PCSK2: variants seen among roughly 807,000 people sequenced by gnomAD.
PCSK2 encodes proprotein convertase subtilisin/kexin type 2, also known as neuroendocrine convertase 2.
A neutral mutation model predicts 69.7 loss-of-function variants in PCSK2; 14 were observed. The observed-to-expected ratio is 0.20, with a 90% confidence interval of 0.13 to 0.31. The LOEUF (loss-of-function observed/expected upper bound fraction) is 0.31. Among genes scored for constraint, PCSK2 ranks in the 10% least tolerant of loss-of-function variants. The pLI is 1.00. For synonymous variants in PCSK2, 307 were observed against 320.7 expected (o/e 0.96, Z 0.46); for missense variants, 544 against 842.5 (o/e 0.65, Z 4.39).
At chr20:17,454,803 G>A (rs561220687) in intron 9 of PCSK2, among the ~76,000 whole-genome samples, 2 of 152,282 alleles carry the variant, frequency 1.3e-5, no homozygotes, top group Admixed American at 1.3e-4. Flanking sequence ...AGGAGCTCAG[G>A]ACAAAATCAT....
chr20:17,471,728 C>A (rs1481462646), intron 11 of PCSK2, among the ~76,000 whole-genome samples: 4 of 152,216 alleles, frequency 2.6e-5, no homozygotes, highest in East Asian at 1.9e-4. Context: ...AGGTCTAGGG[C>A]AAATACACTT....
At position 17,450,017 on chromosome 20, in the gene PCSK2, C is replaced by CTTTTTTTTTTTTTTTTTTTTTTTTTTTT. The variant is rs61156656; in HGVS notation, c.886-3722_886-3695dup. Among the ~76,000 whole-genome samples the CTTTTTTTTTTTTTTTTTTTTTTTTTTTT allele has an allele frequency of 4.9e-5, 3 of 61,834 alleles. 1 individual carries two copies. The allele number at this position is 61,834 out of a possible 152,430, so 40.6% of individuals were successfully genotyped here. ...TTTTTAAGTTTGTTGAATTTCTTCC[C>CTTTTTTTTTTTTTTTTTTTTTTTTTTTT]TTTTTTTTTTTTTTTTTTTTTTTTT... On this transcript the variant is annotated intron_variant, in intron 8 of 11. Coordinates refer to ENST00000262545, the MANE Select transcript of PCSK2 (RefSeq NM_002594.5).
chr20:17,478,819 A>G (rs1396748572), intron 11 of PCSK2, among the ~76,000 whole-genome samples: 5 of 152,310 alleles, frequency 3.3e-5, no homozygotes, highest in South Asian at 2.1e-4. Flanking sequence ...GCTAGTGTAA[A>G]TGTAAGATTG....
intron 2 of PCSK2, among the ~76,000 whole-genome samples, chr20:17,304,851 A>G (rs1179246536): frequency 6.6e-6 from 1 of 152,222 alleles, no homozygotes; most frequent in African/African-American, 2.4e-5. Flanking sequence ...TTCAGTACCC[A>G]GAAGCTGCGA....
At chr20:17,410,675 C>A (rs2031851879) in intron 6 of PCSK2, among the ~76,000 whole-genome samples, 1 of 152,198 alleles carries the variant, frequency 6.6e-6, no homozygotes, top group Admixed American at 6.5e-5. Context: ...AAACTTTTGG[C>A]ATGAAGTGTG....
intron 5 of PCSK2, among the ~76,000 whole-genome samples, chr20:17,396,620 T>C (rs558001964): frequency 9.7e-4 from 123 of 126,490 alleles, no homozygotes; most frequent in Non-Finnish European, 1.5e-3. Flanking sequence ...GTCAACTTAT[T>C]TTTTTTTTTT....
chr20:17,479,541 TG>T, intron 11 of PCSK2: 1 of 327,574 alleles, frequency 3.1e-6, no homozygotes, highest in Non-Finnish European at 5.9e-6. Context: ...GGCTCACGCC[TG>T]TAATCTCAGC....
At chr20:17,251,298 G>A (rs1986968687) in intron 1 of PCSK2, among the ~76,000 whole-genome samples, 1 of 152,068 alleles carries the variant, frequency 6.6e-6, no homozygotes, top group Admixed American at 6.5e-5. Flanking sequence ...TATCAGCAGG[G>A]TTAAGTAGAG....
At chr20:17,268,078 C>T in intron 2 of PCSK2, among the ~76,000 whole-genome samples, 1 of 111,202 alleles carries the variant, frequency 9.0e-6, no homozygotes, top group African/African-American at 3.0e-5. Flanking sequence ...ATTTATATAG[C>T]CTCTATTATA....
intron 1 of PCSK2, among the ~76,000 whole-genome samples, chr20:17,228,965 C>T (rs1344341715): frequency 6.6e-6 from 1 of 152,110 alleles, no homozygotes; most frequent in Admixed American, 6.5e-5. Flanking sequence ...TGGTTTTGGC[C>T]CGTGGCCTGC....
At chr20:17,373,442 C>A (rs1023351935) in intron 5 of PCSK2, among the ~76,000 whole-genome samples, 2 of 152,176 alleles carry the variant, frequency 1.3e-5, no homozygotes, top group Non-Finnish European at 1.5e-5. Context: ...GGGGAAAAGC[C>A]CTGGGCAGAG....
intron 2 of PCSK2, among the ~76,000 whole-genome samples, chr20:17,270,023 C>G (rs970599961): frequency 2.0e-5 from 3 of 152,104 alleles, no homozygotes; most frequent in Non-Finnish European, 4.4e-5. Context: ...TCTCACTCCT[C>G]AAACCTCTGC....
chr20:17,348,039 AAAGAAAGAAAGG>A (rs1990735137), intron 2 of PCSK2, among the ~76,000 whole-genome samples: 2 of 89,270 alleles, frequency 2.2e-5, no homozygotes, highest in South Asian at 1.2e-3. Context: ...AAGAAGAAAG[AAAGAAAGAAAGG>A]AAAGAAAGAA....
chr20:17,347,848 GA>G (rs1470464025), intron 2 of PCSK2, among the ~76,000 whole-genome samples: 2,541 of 110,156 alleles, frequency 0.023, 176 homozygotes, highest in East Asian at 0.054. Flanking sequence ...AAGAAAGAAA[GA>G]AAGAAAGAAA....
chr20:17,409,244 G>T lies in PCSK2; in HGVS notation c.544-19G>T, dbSNP rs753862144. The T allele has an allele frequency of 1.9e-6, 3 of 1,607,702 alleles. No homozygotes were observed. The highest frequency in any genetic ancestry group is 2.6e-6 in the Non-Finnish European group (3 of 1,174,146). On this transcript the variant is annotated intron_variant, in intron 5 of 11. Transcript: ENST00000262545. ...GCCTCTGGCTGTACGGACCTAATGA[G>T]ATGCCTTGTGTTTTTCAGAATGCCG...
At chr20:17,474,562 C>T (rs1461681834) in intron 11 of PCSK2, among the ~76,000 whole-genome samples, 1 of 152,148 alleles carries the variant, frequency 6.6e-6, no homozygotes, top group African/African-American at 2.4e-5. Flanking sequence ...TCTAGTTTCC[C>T]CTTCTCAGCC....
intron 1 of PCSK2, among the ~76,000 whole-genome samples, chr20:17,246,939 T>G (rs1193051856): frequency 6.6e-6 from 1 of 152,218 alleles, no homozygotes; most frequent in Non-Finnish European, 1.5e-5. Flanking sequence ...CTCCCTTTGC[T>G]CTGAAGTTGA....
At chr20:17,329,946 A>G (rs1438939226) in intron 2 of PCSK2, among the ~76,000 whole-genome samples, 3 of 152,226 alleles carry the variant, frequency 2.0e-5, no homozygotes, top group Non-Finnish European at 4.4e-5. Flanking sequence ...ACTGGCCAAT[A>G]GAAATGTAAT....
intron 7 of PCSK2, among the ~76,000 whole-genome samples, chr20:17,434,941 T>C (rs1477413882): frequency 6.6e-6 from 1 of 152,230 alleles, no homozygotes; most frequent in African/African-American, 2.4e-5. Context: ...AATAAAAACA[T>C]AGGTGGACCA....
Sources: gnomAD v4.1 joint callset for allele counts (sites outside exome capture counted in the v4.1 genomes callset) on GRCh38, gnomAD v4.1.1 for gene constraint, MANE v1.5 for transcripts, NCBI Gene and HGNC (gene_info 2026-07-23, HGNC 2026-07-21) for gene names.